The following PTPRE variants were observed in gnomAD, a reference collection of about 807,000 sequenced individuals.
The protein encoded by PTPRE is protein tyrosine phosphatase receptor type E, also known as receptor-type tyrosine-protein phosphatase epsilon.
PTPRE carries 51 observed loss-of-function variants against 102.0 expected under a neutral mutation model. The observed-to-expected ratio is 0.50, with a 90% CI of 0.40 to 0.63. PTPRE has a LOEUF of 0.63. PTPRE is among the 30% of genes least tolerant of loss of function. PTPRE has a pLI of 0.00. For synonymous variants in PTPRE, 345 were observed against 348.2 expected, an observed-to-expected ratio of 0.99 and a Z score of 0.10; for missense variants, 752 against 915.1, an observed-to-expected ratio of 0.82 and a Z score of 2.30.
chr10:127,977,157 C>T (rs1851242474), intron 1 of PTPRE, among the ~76,000 whole-genome samples: 1 of 152,120 alleles, frequency 6.6e-6, no homozygotes, highest in Non-Finnish European at 1.5e-5. Flanking sequence ...TTGATCAGGA[C>T]AGCTCAGTGT....
At chr10:128,038,095 C>A (rs1351057501) in intron 2 of PTPRE, among the ~76,000 whole-genome samples, 1 of 151,998 alleles carries the variant, frequency 6.6e-6, no homozygotes, top group Non-Finnish European at 1.5e-5. Flanking sequence ...GCCACCGCGT[C>A]TGGCCCAGCA....
chr10:127,991,018 G>A (rs879355590), intron 2 of PTPRE, among the ~76,000 whole-genome samples: 10 of 152,130 alleles, frequency 6.6e-5, no homozygotes, highest in Non-Finnish European at 1.5e-4. Context: ...TCCGGGGGCC[G>A]CGTGATGGTT....
intron 1 of PTPRE, among the ~76,000 whole-genome samples, chr10:127,910,896 C>T (rs1470961680): frequency 6.6e-6 from 1 of 152,102 alleles, no homozygotes; most frequent in Non-Finnish European, 1.5e-5. Flanking sequence ...CCGGCATAGG[C>T]AACATGATGG....
At chr10:127,974,765 T>C (rs1389264400) in intron 1 of PTPRE, among the ~76,000 whole-genome samples, 1 of 152,212 alleles carries the variant, frequency 6.6e-6, no homozygotes, top group Non-Finnish European at 1.5e-5. Flanking sequence ...TTTCATATAC[T>C]GAAGATGTTC....
At chr10:127,985,860 G>A (rs894232288) in intron 2 of PTPRE, among the ~76,000 whole-genome samples, 4 of 152,144 alleles carry the variant, frequency 2.6e-5, no homozygotes, top group African/African-American at 9.7e-5. Flanking sequence ...GGAGGCCGAG[G>A]TGGGAGGATC....
chr10:128,047,484 C>A lies in PTPRE; in HGVS notation c.204C>A (p.Phe68Leu), dbSNP rs757617007. ...TCGTGCTCCTTCTCGCCGCCTACTT[C>A]TTCAGGTAGGAGTGTCCCGGGGCAC... ...LLLVLLLAAY[F>L]FRFRKQRKAV... Residue 68 changes from phenylalanine to leucine, a missense_variant, in exon 4 of 21, where the codon TTC becomes TTA. Coordinates refer to ENST00000254667, the MANE Select transcript of PTPRE (RefSeq NM_006504.6). 1 of 1,613,364 alleles carries A rather than the reference C, an allele frequency of 6.2e-7. No homozygotes were observed. The highest frequency in any genetic ancestry group is 1.7e-5 in the Admixed American group (1 of 60,018).
chr10:127,917,731 T>TAATAA (rs989588176), intron 1 of PTPRE, among the ~76,000 whole-genome samples: 5 of 152,238 alleles, frequency 3.3e-5, no homozygotes, highest in African/African-American at 1.2e-4. Context: ...ACAATATTCC[T>TAATAA]AATAAAATGC....
At position 127,944,482 on chromosome 10, in the gene PTPRE, G is replaced by GGATA. The variant is rs1848479359; in HGVS notation, c.-31+37176_-31+37177insAGAT. Among the ~76,000 whole-genome samples the GGATA allele has an allele frequency of 1.2e-5, 1 of 82,082 alleles. No homozygotes were observed. Among genetic ancestry groups the GGATA allele is most frequent in the African/African-American group, 4.4e-5 (1 of 22,920 alleles). 53.8% of individuals were successfully genotyped at this position (82,082 alleles called of 152,430 possible). Reference sequence around the variant, plus strand: ...TACATGGACAGACGGATGGATGGATGGATGGATGGATGGATGGATGGATGG... The same window carrying GGATA: ...TACATGGACAGACGGATGGATGGATGGATAGATGGATGGATGGATGGATGGATGG... On this transcript the variant is annotated intron_variant, in intron 1 of 20. Coordinates refer to ENST00000254667, the MANE Select transcript of PTPRE (RefSeq NM_006504.6). The surrounding 1 kb of genome is among the most constrained non-coding windows in gnomAD (Gnocchi z 4.2).
In PTPRE at chr10:128,076,722, CAAT is replaced by C. The variant is rs764299286; in HGVS notation, c.1720_1722del (p.Asn574del). 1.9e-6 allele frequency: 3 copies of C among 1,611,554 alleles called. No individual in the cohort carries two copies. In the African/African-American group the frequency reaches 4.0e-5, roughly 22 times the overall value. ...GTATACGAGACTTTCTGGTCACTCT[CAAT>C]CAGGTATTGTTGAAGTAGCTCTTTA... On this transcript the variant is annotated inframe_deletion, in exon 18 of 21. Transcript: ENST00000254667.
intron 2 of PTPRE, among the ~76,000 whole-genome samples, chr10:127,985,086 G>A (rs1364222256): frequency 6.6e-6 from 1 of 152,214 alleles, no homozygotes; most frequent in African/African-American, 2.4e-5. Context: ...AGTCCACCTT[G>A]GGCAGGGCGG....
intron 9 of PTPRE, among the ~76,000 whole-genome samples, chr10:128,062,326 A>C (rs763895577): frequency 6.6e-6 from 1 of 152,228 alleles, no homozygotes; most frequent in East Asian, 1.9e-4. Context: ...GTTGTTACAA[A>C]TGCAGAATCT....
At chr10:128,045,399 T>G (rs1848008757) in intron 3 of PTPRE, among the ~76,000 whole-genome samples, 1 of 152,154 alleles carries the variant, frequency 6.6e-6, no homozygotes, top group East Asian at 1.9e-4. Flanking sequence ...TGGACTAAAC[T>G]TAGTAGTCAC....
intron 15 of PTPRE, 172 bp from the exon 16 acceptor site, chr10:128,071,966 T>C (rs1159842115): frequency 1.8e-6 from 1 of 552,854 alleles, no homozygotes; most frequent in East Asian, 2.9e-5. Flanking sequence ...AAAAGAAAAA[T>C]ACCCCTGAGC....
At chr10:127,996,763 A>AT (rs1853311654) in intron 2 of PTPRE, among the ~76,000 whole-genome samples, 1 of 152,174 alleles carries the variant, frequency 6.6e-6, no homozygotes, top group African/African-American at 2.4e-5. Context: ...CAGGGCCATC[A>AT]TGTCCCGGCT....
chr10:127,997,963 T>A (rs1283391944), intron 2 of PTPRE, among the ~76,000 whole-genome samples: 1 of 152,080 alleles, frequency 6.6e-6, no homozygotes, highest in Non-Finnish European at 1.5e-5. Flanking sequence ...AAGCTAAGAG[T>A]TCGATTCACT....
At position 128,068,116 on chromosome 10, in the gene PTPRE, C is replaced by T. The variant is rs1722155294; in HGVS notation, c.844-7C>T. On this transcript the variant is annotated splice_polypyrimidine_tract_variant and splice_region_variant and intron_variant, in intron 11 of 20. Transcript: ENST00000254667. The stretch of plus-strand genomic sequence containing the variant: ...CACCCACTCTTGTCTCCCCGCGTCC[C>T]CCGCAGCAGCTCCCCGACGGCTGCA... The T allele has an allele frequency of 3.1e-6, 5 of 1,610,566 alleles. No homozygotes were observed. The highest frequency in any genetic ancestry group is 3.4e-6 in the Non-Finnish European group (4 of 1,178,124).
chr10:127,943,469 G>C (rs936772268), intron 1 of PTPRE, among the ~76,000 whole-genome samples: 1 of 152,122 alleles, frequency 6.6e-6, no homozygotes, highest in African/African-American at 2.4e-5. Context: ...CTTTCCCGTC[G>C]TCTTCTCCCA....
At chr10:128,022,802 C>T (rs1271683504) in intron 2 of PTPRE, among the ~76,000 whole-genome samples, 1 of 152,170 alleles carries the variant, frequency 6.6e-6, no homozygotes, top group Non-Finnish European at 1.5e-5. Flanking sequence ...GGTGTGATGC[C>T]AGAGCGGAGT....
At chr10:127,974,608 C>T (rs1440019586) in intron 1 of PTPRE, among the ~76,000 whole-genome samples, 1 of 152,132 alleles carries the variant, frequency 6.6e-6, no homozygotes, top group Non-Finnish European at 1.5e-5. Context: ...AGGTTCTGTC[C>T]ATGTATTTTT....
Sources: allele counts gnomAD v4.1 joint callset (sites outside exome capture counted in the v4.1 genomes callset), GRCh38; gene constraint gnomAD v4.1.1; non-coding constraint Gnocchi (gnomAD v3.1); transcripts MANE v1.5; gene names NCBI Gene and HGNC (gene_info 2026-07-23, HGNC 2026-07-21).